DTNA: variants seen among roughly 807,000 people sequenced by gnomAD.
DTNA encodes the protein dystrobrevin alpha, also known as dystrophin-related protein 3.
In DTNA, 43 loss-of-function variants were observed where a neutral mutation model predicts 100.7. That is an observed-to-expected ratio of 0.43 (90% confidence interval 0.33 to 0.55). DTNA has a LOEUF of 0.55. Among genes scored for constraint, DTNA ranks in the 20% least tolerant of loss-of-function variants. DTNA has a pLI of 0.04. For missense variants in DTNA, 798 were observed against 953.9 expected, an observed-to-expected ratio of 0.84 and a Z score of 2.15; for synonymous variants, 349 against 347.9, an observed-to-expected ratio of 1.00 and a Z score of -0.04.
In DTNA at chr18:34,889,730, C is replaced by T. The variant is rs1230900824; in HGVS notation, c.*1996C>T. The T allele has an allele frequency of 1.0e-6, 1 of 985,914 alleles. No homozygotes were observed. The highest frequency in any genetic ancestry group is 1.2e-6 in the Non-Finnish European group (1 of 830,110). The allele number at this position is 985,914 out of a possible 1,614,324, so 61.1% of individuals were successfully genotyped here. The stretch of plus-strand genomic sequence containing the variant: ...GCATTAGTGAGAAGCCCATCCTATC[C>T]CTTGACATACTTAATCATATATCTC... On this transcript the variant is annotated 3_prime_UTR_variant, in exon 23 of 23. Coordinates refer to ENST00000444659, the MANE Select transcript of DTNA (RefSeq NM_001386795.1).
intron 13 of DTNA, among the ~76,000 whole-genome samples, chr18:34,842,519 T>C (rs1422716283): frequency 6.6e-6 from 1 of 152,150 alleles, no homozygotes; most frequent in Non-Finnish European, 1.5e-5. Context: ...TGCATGTGAC[T>C]TAGCCCTTGC....
Position 34,792,543 on chromosome 18 carries a change from G to A in DTNA, c.149-1494G>A, listed in dbSNP as rs552100585. ...GTAGAAGACAAAAAAATAGGGAGCT[G>A]TTAGTGAAAAAATATATATACAGTG... is the stretch of plus-strand genomic sequence containing the variant. On this transcript the variant is annotated intron_variant, in intron 3 of 22. Coordinates refer to ENST00000444659, the MANE Select transcript of DTNA (RefSeq NM_001386795.1). Among the ~76,000 whole-genome samples the A allele has an allele frequency of 7.4e-4, 112 of 152,266 alleles. 1 individual carries two copies. The highest frequency in any genetic ancestry group is 3.7e-3 in the South Asian group (18 of 4,818).
rs1441736636 is a variant in DTNA, at chr18:34,794,337, A to C, written c.362+87A>C. 1.6e-5 allele frequency: 23 copies of C among 1,436,140 alleles called. No homozygotes were observed. The East Asian group carries it at 3.0e-4, about 18-fold the overall frequency. The allele number at this position is 1,436,140 out of a possible 1,614,324, so 89.0% of individuals were successfully genotyped here. On this transcript the variant is annotated intron_variant, in intron 4 of 22. Transcript: ENST00000444659. ...TGGTCTTTTTCCCAAACAATTTTAT[A>C]TCTCTCTCTTTTTTTTTTTACTCTC...
rs761621935 is a variant in DTNA, at chr18:34,851,873, A to G, written c.1477A>G (p.Ile493Val). ...QRSAPDISFT[I>V]DANKQQRQLI... ...AAGTGCTCCTGACATCTCTTTCACC[A>G]TCGATGCGAATAAGCAGCAAAGGCA... is the stretch of plus-strand genomic sequence containing the variant. The change falls in exon 15 of 23, where the codon ATC becomes GTC. Residue 493 changes from isoleucine to valine, a missense_variant. Ile to Val is a conservative substitution (Grantham distance 29, BLOSUM62 3). Transcript: ENST00000444659. The G allele has an allele frequency of 1.9e-6, 3 of 1,613,958 alleles. No homozygotes were observed. The highest frequency in any genetic ancestry group is 2.7e-5 in the African/African-American group (2 of 74,926).
intron 1 of DTNA, among the ~76,000 whole-genome samples, chr18:34,698,558 T>C (rs2080926009): frequency 6.6e-6 from 1 of 152,186 alleles, no homozygotes; most frequent in South Asian, 2.1e-4. Context: ...CTTATGGTTC[T>C]CCAAAGATAC....
intron 1 of DTNA, among the ~76,000 whole-genome samples, chr18:34,526,161 TAGGCTCTTGAAAGATTAGCAAAA>T (rs2042592228): frequency 6.6e-6 from 1 of 152,222 alleles, no homozygotes. Context: ...CTTTTGCTGT[TAGGCTCTTGAAAGATTAGCAAAA>T]TTTCATAAAA....
At chr18:34,576,927 A>G (rs2048167343) in intron 1 of DTNA, among the ~76,000 whole-genome samples, 1 of 152,148 alleles carries the variant, frequency 6.6e-6, no homozygotes, top group Non-Finnish European at 1.5e-5. Context: ...CACATTTTGT[A>G]TCAGACTTCT....
At chr18:34,825,361 A>G (rs1185155778) in intron 9 of DTNA, 1 of 1,536,054 alleles carries the variant, frequency 6.5e-7, no homozygotes, top group African/African-American at 1.4e-5. Flanking sequence ...CAAGTGAGCA[A>G]TATGAGGCTA....
chr18:34,516,974 C>T (rs377033553), intron 1 of DTNA, among the ~76,000 whole-genome samples: 8 of 151,288 alleles, frequency 5.3e-5, no homozygotes, highest in South Asian at 4.1e-4. Context: ...TAAATGTCCA[C>T]GAAATCTTCA....
intron 1 of DTNA, chr18:34,679,354 G>A (rs550405225): frequency 6.6e-6 from 1 of 152,228 alleles, no homozygotes; most frequent in South Asian, 2.1e-4. Context: ...AGAGGATAAG[G>A]GGATTTATAA....
chr18:34,643,489 T>C (rs1420804604), intron 1 of DTNA, among the ~76,000 whole-genome samples: 1 of 152,236 alleles, frequency 6.6e-6, no homozygotes, highest in African/African-American at 2.4e-5. Flanking sequence ...AATTAGCCTG[T>C]TTCTGATTTT....
chr18:34,496,219 C>T (rs1437405011), intron 1 of DTNA, among the ~76,000 whole-genome samples: 1 of 151,296 alleles, frequency 6.6e-6, no homozygotes, highest in Non-Finnish European at 1.5e-5. Context: ...CACACACACA[C>T]ACACACACAC....
exon 1 of DTNA, chr18:34,493,488 G>C (rs938060832): frequency 1.3e-5 from 2 of 152,304 alleles, no homozygotes; most frequent in East Asian, 3.9e-4. Context: ...TGGCGAGTCA[G>C]TGACTGAAGC....
intron 1 of DTNA, among the ~76,000 whole-genome samples, chr18:34,542,961 C>T (rs2044393091): frequency 6.6e-6 from 1 of 151,962 alleles, no homozygotes; most frequent in African/African-American, 2.4e-5. Context: ...GCATGGATCT[C>T]CAAGAAGCTG....
intron 8 of DTNA, chr18:34,818,724 T>C (rs954434250): frequency 1.1e-6 from 1 of 942,798 alleles, no homozygotes; most frequent in Middle Eastern, 4.8e-4. Context: ...TTTCTTAGAT[T>C]CTGGAGTTCT....
At chr18:34,550,826 T>C (rs2045329267) in intron 1 of DTNA, among the ~76,000 whole-genome samples, 1 of 152,168 alleles carries the variant, frequency 6.6e-6, no homozygotes, top group African/African-American at 2.4e-5. Flanking sequence ...TTTAAAAGAT[T>C]ATCTCTTTAA....
intron 19 of DTNA, 41 bp from the exon 20 acceptor site, chr18:34,879,510 T>C: frequency 7.5e-6 from 12 of 1,609,516 alleles, no homozygotes; most frequent in Non-Finnish European, 9.3e-6. Flanking sequence ...CATAAAAAAA[T>C]CTAACGAGTC....
chr18:34,884,904 C>G, intron 22 of DTNA, 128 bp downstream of exon 22: 1 of 1,129,152 alleles, frequency 8.9e-7, no homozygotes, highest in South Asian at 1.3e-5. Flanking sequence ...TCCTTAACTG[C>G]TGATATCGAA....
At chr18:34,811,335 C>A (rs2095481476) in intron 5 of DTNA, among the ~76,000 whole-genome samples, 1 of 152,208 alleles carries the variant, frequency 6.6e-6, no homozygotes, top group South Asian at 2.1e-4. Context: ...TTCCTCTTCA[C>A]TACACGAGTC....
Sources: gnomAD v4.1 joint callset for allele counts (sites outside exome capture counted in the v4.1 genomes callset) on GRCh38, gnomAD v4.1.1 for gene constraint, MANE v1.5 for transcripts, NCBI Gene and HGNC (gene_info 2026-07-23, HGNC 2026-07-21) for gene names.